The following PDE3B variants were observed in gnomAD, a reference collection of about 807,000 sequenced individuals.
PDE3B encodes phosphodiesterase 3B, also known as cGMP-inhibited 3',5'-cyclic phosphodiesterase 3B.
Under a neutral mutation model 116.8 loss-of-function variants are expected in PDE3B, and 66 were observed. That is an observed-to-expected ratio of 0.56 (90% CI 0.46 to 0.69). The LOEUF (loss-of-function observed/expected upper bound fraction) is 0.69, where lower values mean the gene tolerates loss of function less well. PDE3B is among the 30% of genes least tolerant of loss of function. The pLI is 0.00. For missense variants in PDE3B, 1,384 were observed against 1,368.1 expected, an observed-to-expected ratio of 1.01 and a Z score of -0.18; for synonymous variants, 595 against 533.6, an observed-to-expected ratio of 1.12 and a Z score of -1.59.
chr11:14,756,904 A>C (rs1857200358), intron 1 of PDE3B, among the ~76,000 whole-genome samples: 2 of 148,292 alleles, frequency 1.3e-5, no homozygotes, highest in African/African-American at 2.5e-5. Flanking sequence ...TGCACCCACT[A>C]ACTCGTCATC....
chr11:14,756,869 G>C (rs1258664270), intron 1 of PDE3B, among the ~76,000 whole-genome samples: 3 of 150,212 alleles, frequency 2.0e-5, no homozygotes, highest in African/African-American at 7.4e-5. Context: ...AGTTACATAT[G>C]TATACATGTG....
chr11:14,742,682 A>G (rs1244066506), intron 1 of PDE3B, among the ~76,000 whole-genome samples: 1 of 152,090 alleles, frequency 6.6e-6, no homozygotes, highest in Non-Finnish European at 1.5e-5. Flanking sequence ...TGGAATTTTC[A>G]GCCTTTTTGT....
chr11:14,820,011 GA>G (rs1859469429), intron 7 of PDE3B, among the ~76,000 whole-genome samples: 3 of 152,098 alleles, frequency 2.0e-5, no homozygotes, highest in Non-Finnish European at 4.4e-5. Flanking sequence ...TGTATCCTAA[GA>G]AAAAAGTTAA....
chr11:14,829,605 C>T (rs2133960861), intron 7 of PDE3B, among the ~76,000 whole-genome samples: 1 of 151,908 alleles, frequency 6.6e-6, no homozygotes, highest in South Asian at 2.1e-4. Flanking sequence ...GAACAGAAAA[C>T]CAAATACTGT....
At chr11:14,793,355 G>C (rs568030069) in intron 4 of PDE3B, among the ~76,000 whole-genome samples, 1 of 152,186 alleles carries the variant, frequency 6.6e-6, no homozygotes, top group East Asian at 1.9e-4. Flanking sequence ...TATACACATA[G>C]CCTGAACGTG....
Position 14,677,161 on chromosome 11 carries a change from A to G in PDE3B, c.978+32108A>G, listed in dbSNP as rs917303315. Among the ~76,000 whole-genome samples, 5 of 152,356 alleles carry G rather than the reference A, an allele frequency of 3.3e-5. No individual in the cohort carries two copies. The East Asian group carries it at 5.8e-4, about 18-fold the overall frequency. ...TTTTCTGATTTAAATTCTAAAAAAA[A>G]TGAAAACCAGGGATAGAACCTATAA... On this transcript the variant is annotated intron_variant, in intron 1 of 15. Coordinates refer to ENST00000282096, the MANE Select transcript of PDE3B (RefSeq NM_000922.4).
At chr11:14,649,014 T>G (rs1853491747) in intron 1 of PDE3B, among the ~76,000 whole-genome samples, 1 of 152,210 alleles carries the variant, frequency 6.6e-6, no homozygotes, top group African/African-American at 2.4e-5. Context: ...AAATAAAAGT[T>G]GACAAACCAT....
intron 5 of PDE3B, among the ~76,000 whole-genome samples, chr11:14,815,562 GCTTA>G (rs1859298986): frequency 1.3e-5 from 2 of 152,246 alleles, no homozygotes; most frequent in East Asian, 3.9e-4. Flanking sequence ...CAGTATGGCT[GCTTA>G]CTTCATGGAG....
chr11:14,896,349 G>T, the PDE3B span, among the ~76,000 whole-genome samples: 1 of 152,116 alleles, frequency 6.6e-6, no homozygotes, highest in African/African-American at 2.4e-5. Context: ...TGTTCTTTCA[G>T]TCATTCACCA....
At chr11:14,858,707 A>T (rs1847892843) in intron 12 of PDE3B, among the ~76,000 whole-genome samples, 1 of 152,198 alleles carries the variant, frequency 6.6e-6, no homozygotes, top group Non-Finnish European at 1.5e-5. Flanking sequence ...TTATCTGAGA[A>T]GGTTTTCTGA....
intron 11 of PDE3B, among the ~76,000 whole-genome samples, chr11:14,840,346 C>A (rs1220325090): frequency 1.3e-5 from 2 of 152,182 alleles, no homozygotes; most frequent in African/African-American, 2.4e-5. Flanking sequence ...GCCATGGGCA[C>A]TAGATTACCA....
chr11:14,714,288 A>T (rs1215192836), intron 1 of PDE3B, among the ~76,000 whole-genome samples: 2 of 152,128 alleles, frequency 1.3e-5, no homozygotes, highest in Non-Finnish European at 2.9e-5. Context: ...TGCAAAGTGA[A>T]TATGATGACA....
intron 1 of PDE3B, among the ~76,000 whole-genome samples, chr11:14,647,672 A>G (rs1225507532): frequency 1.3e-5 from 2 of 151,980 alleles, no homozygotes; most frequent in Non-Finnish European, 2.9e-5. Context: ...GTAGGATGGT[A>G]ACAAAATTAT....
chr11:14,733,284 A>G (rs1330047482), intron 1 of PDE3B, among the ~76,000 whole-genome samples: 1 of 152,212 alleles, frequency 6.6e-6, no homozygotes, highest in Middle Eastern at 3.2e-3. Context: ...CTCAGCCCCT[A>G]GGATGGTCTA....
downstream of PDE3B, among the ~76,000 whole-genome samples, chr11:14,874,270 T>C (rs1200144938): frequency 6.6e-6 from 1 of 152,174 alleles, no homozygotes; most frequent in Non-Finnish European, 1.5e-5. Flanking sequence ...ACCTTTAACC[T>C]ATGTTTTAAG....
intron 5 of PDE3B, among the ~76,000 whole-genome samples, chr11:14,806,585 C>A (rs1214173437): frequency 8.6e-5 from 13 of 151,762 alleles, no homozygotes; most frequent in Admixed American, 7.9e-4. Context: ...TGAGGCCGGG[C>A]GCGGTGGCTC....
chr11:14,667,644 C>T (rs1180445729), intron 1 of PDE3B, among the ~76,000 whole-genome samples: 1 of 149,204 alleles, frequency 6.7e-6, no homozygotes, highest in Non-Finnish European at 1.5e-5. Context: ...ACAATGAGAA[C>T]ACATGGACAC....
the PDE3B span, among the ~76,000 whole-genome samples, chr11:14,898,017 CA>C: frequency 6.6e-6 from 1 of 152,176 alleles, no homozygotes; most frequent in African/African-American, 2.4e-5. Flanking sequence ...TTAATACCCT[CA>C]TATGTGGTTA....
At chr11:14,798,257 A>G (rs1025182169) in intron 4 of PDE3B, among the ~76,000 whole-genome samples, 1 of 152,228 alleles carries the variant, frequency 6.6e-6, no homozygotes, top group Non-Finnish European at 1.5e-5. Context: ...ATGTTGAACC[A>G]GCCTTGCATC....
Sources: allele counts gnomAD v4.1 joint callset (sites outside exome capture counted in the v4.1 genomes callset), GRCh38; gene constraint gnomAD v4.1.1; transcripts MANE v1.5; gene names NCBI Gene and HGNC (gene_info 2026-07-23, HGNC 2026-07-21).